CNTN5: variants seen among roughly 807,000 people sequenced by gnomAD.
CNTN5 encodes the protein contactin 5, also known as contactin-5.
Under a neutral mutation model 129.1 loss-of-function variants are expected in CNTN5, and 77 were observed. The ratio of observed to expected loss-of-function variants is 0.60; its 90% CI spans 0.50 to 0.72. The LOEUF (loss-of-function observed/expected upper bound fraction) is 0.72, where lower values mean the gene tolerates loss of function less well. CNTN5 is among the 30% of genes least tolerant of loss of function. CNTN5 has a pLI of 0.00. For missense variants in CNTN5, 1,478 were observed against 1,328.8 expected (o/e 1.11, Z -1.75); for synonymous variants, 509 against 465.6 (o/e 1.09, Z -1.20).
intron 2 of CNTN5, among the ~76,000 whole-genome samples, chr11:99,510,400 G>A (rs537308838): frequency 2.6e-4 from 40 of 152,266 alleles, no homozygotes; most frequent in African/African-American, 8.2e-4. Context: ...GAAACTGCAC[G>A]CATCTTTTGA....
At chr11:99,532,177 G>C (rs1947735647) in intron 2 of CNTN5, among the ~76,000 whole-genome samples, 1 of 152,148 alleles carries the variant, frequency 6.6e-6, no homozygotes. Context: ...TCTTGCATCA[G>C]CGTGACCTGG....
intron 3 of CNTN5, among the ~76,000 whole-genome samples, chr11:99,602,253 A>G (rs1396745927): frequency 1.3e-5 from 2 of 152,082 alleles, no homozygotes; most frequent in African/African-American, 4.8e-5. Flanking sequence ...ATTAACTTCT[A>G]GTTTCTATCT....
intron 1 of CNTN5, among the ~76,000 whole-genome samples, chr11:99,295,472 A>C (rs1408136966): frequency 6.6e-6 from 1 of 152,216 alleles, no homozygotes; most frequent in Non-Finnish European, 1.5e-5. Flanking sequence ...ATTTCTGAAT[A>C]TTGCCACTTT....
intron 2 of CNTN5, among the ~76,000 whole-genome samples, chr11:99,459,193 T>G (rs113259174): frequency 0.012 from 1,876 of 152,052 alleles, 43 homozygotes; most frequent in African/African-American, 0.043. Flanking sequence ...AATGATAGTT[T>G]CTTGAAATGA....
intron 3 of CNTN5, among the ~76,000 whole-genome samples, chr11:99,672,611 C>T: frequency 6.7e-6 from 1 of 150,232 alleles, no homozygotes; most frequent in East Asian, 1.9e-4. Flanking sequence ...CTGAGAATTC[C>T]AGAAGAATAT....
chr11:99,300,101 G>A (rs778471409), intron 1 of CNTN5, among the ~76,000 whole-genome samples: 8 of 151,900 alleles, frequency 5.3e-5, no homozygotes, highest in African/African-American at 1.5e-4. Flanking sequence ...ACAGGTTGAC[G>A]CCTTTTATTT....
chr11:99,101,653 G>T (rs926650682), intron 1 of CNTN5, among the ~76,000 whole-genome samples: 1 of 152,186 alleles, frequency 6.6e-6, no homozygotes, highest in Non-Finnish European at 1.5e-5. Context: ...CTCTGACTCC[G>T]TGTCTTATAT....
rs1591360102 is a variant in CNTN5, at chr11:100,178,366, C to G, written c.1581-12760C>G. Among the ~76,000 whole-genome samples the G allele has an allele frequency of 6.6e-5, 10 of 152,266 alleles. No homozygotes were observed. In the South Asian group the frequency reaches 2.1e-3, roughly 32 times the overall value. ...TTAAAATCTTCGTCTACTTCCTCCT[C>G]CCTGTTCATTCTTTCAAATCTGTAT... On this transcript the variant is annotated intron_variant, in intron 13 of 24. Transcript: ENST00000524871.
chr11:99,767,294 CAG>C (rs150648848), intron 3 of CNTN5, among the ~76,000 whole-genome samples: 60 of 149,220 alleles, frequency 4.0e-4, no homozygotes, highest in Admixed American at 5.3e-4. Flanking sequence ...ATTATTAAAT[CAG>C]AGAGAGAGAG....
rs147683745 is a variant in CNTN5 at position 99,503,868 on chromosome 11, A to G, written c.-70-52277A>G. ...ATGGCAAAATCCATTTTAGTTAATA[A>G]TTATTCAATAAATATGAACCAAATT... is the stretch of plus-strand genomic sequence containing the variant. On this transcript the variant is annotated intron_variant, in intron 2 of 24. Transcript: ENST00000524871. Among the ~76,000 whole-genome samples, 153 of 152,284 alleles carry G rather than the reference A, an allele frequency of 1.0e-3. 1 individual carries two copies. Among genetic ancestry groups the G allele is most frequent in the African/African-American group, 3.5e-3 (145 of 41,558 alleles).
chr11:99,724,225 C>G (rs760822316), intron 3 of CNTN5, among the ~76,000 whole-genome samples: 8 of 152,070 alleles, frequency 5.3e-5, no homozygotes, highest in Non-Finnish European at 1.2e-4. Context: ...TATACTCTCT[C>G]TTTGTTTTTT....
Position 100,299,251 on chromosome 11 carries a change from G to T in CNTN5, c.2475G>T (p.Met825Ile). ...PNGTRGWKEK[M>I]VTSSEASKFI... Reference sequence around the variant, plus strand: ...GAACACGTGGCTGGAAGGAAAAAATGGTGACATCCTCTGAAGCTTCCAAAT... The same window carrying T: ...GAACACGTGGCTGGAAGGAAAAAATTGTGACATCCTCTGAAGCTTCCAAAT... Residue 825 changes from methionine to isoleucine, a missense_variant, in exon 20 of 25, where the codon ATG becomes ATT. Transcript: ENST00000524871. 1 of 1,610,444 alleles carries T rather than the reference G, an allele frequency of 6.2e-7. No homozygotes were observed. The highest frequency in any genetic ancestry group is 1.3e-5 in the African/African-American group (1 of 74,746).
chr11:99,947,818 C>G (rs1054864679), intron 7 of CNTN5, among the ~76,000 whole-genome samples: 1 of 152,054 alleles, frequency 6.6e-6, no homozygotes, highest in Non-Finnish European at 1.5e-5. Context: ...CAAATTTTCA[C>G]CATAAAATCT....
At chr11:99,132,572 C>T (rs1217125729) in intron 1 of CNTN5, among the ~76,000 whole-genome samples, 1 of 152,084 alleles carries the variant, frequency 6.6e-6, no homozygotes, top group Non-Finnish European at 1.5e-5. Flanking sequence ...GATACACAAT[C>T]AATGTGCAGA....
At chr11:100,228,426 T>C (rs1949425059) in intron 16 of CNTN5, among the ~76,000 whole-genome samples, 1 of 151,976 alleles carries the variant, frequency 6.6e-6, no homozygotes, top group Non-Finnish European at 1.5e-5. Flanking sequence ...TATCACTTCC[T>C]ATTGCTAACA....
chr11:99,501,904 T>C (rs1159806907), intron 2 of CNTN5, among the ~76,000 whole-genome samples: 1 of 152,198 alleles, frequency 6.6e-6, no homozygotes, highest in East Asian at 1.9e-4. Flanking sequence ...AGTGATTCTG[T>C]TATCTTCTTT....
intron 9 of CNTN5, among the ~76,000 whole-genome samples, chr11:100,009,141 A>G (rs1314897274): frequency 6.6e-6 from 1 of 152,126 alleles, no homozygotes; most frequent in Non-Finnish European, 1.5e-5. Context: ...TAAAAAGTCT[A>G]CTAAAAAGCC....
At chr11:99,234,082 C>T (rs1342401075) in intron 1 of CNTN5, among the ~76,000 whole-genome samples, 2 of 152,114 alleles carry the variant, frequency 1.3e-5, no homozygotes, top group Non-Finnish European at 2.9e-5. Context: ...AATCCTGACA[C>T]GTAAATTTAA....
At chr11:100,281,771 A>G (rs919898073) in intron 18 of CNTN5, among the ~76,000 whole-genome samples, 4 of 151,960 alleles carry the variant, frequency 2.6e-5, no homozygotes, top group Non-Finnish European at 5.9e-5. Context: ...GTGCTTCATT[A>G]TTCTTTTTTC....
Sources: gnomAD v4.1 joint callset for allele counts (sites outside exome capture counted in the v4.1 genomes callset) on GRCh38, gnomAD v4.1.1 for gene constraint, MANE v1.5 for transcripts, NCBI Gene and HGNC (gene_info 2026-07-23, HGNC 2026-07-21) for gene names.